SLC25A26: variants seen among roughly 807,000 people sequenced by gnomAD.
SLC25A26 encodes solute carrier family 25 member 26.
A neutral mutation model predicts 37.8 loss-of-function variants in SLC25A26; 36 were observed. That is an observed-to-expected ratio of 0.95 (90% confidence interval 0.73 to 1.26). The LOEUF (loss-of-function observed/expected upper bound fraction) is 1.26. SLC25A26 is among the 50% of genes most tolerant of loss of function. The pLI is 0.00. For missense variants in SLC25A26, 390 were observed against 331.1 expected (o/e 1.18, Z -1.38); for synonymous variants, 129 against 122.5 (o/e 1.05, Z -0.35).
At chr3:66,217,422 C>G (rs1019210018), upstream of SLC25A26, among the ~76,000 whole-genome samples, 1 of 152,082 alleles carries the variant, frequency 6.6e-6, no homozygotes, top group Non-Finnish European at 1.5e-5. Flanking sequence ...TAGGAAAATA[C>G]GGAATAAACC....
At chr3:66,278,834 A>G (rs1420968862) in intron 5 of SLC25A26, among the ~76,000 whole-genome samples, 1 of 152,166 alleles carries the variant, frequency 6.6e-6, no homozygotes, top group Non-Finnish European at 1.5e-5. Context: ...TTCATTGTAC[A>G]TTGTCAAGAG....
At chr3:66,264,460 C>T (rs2073666461) in intron 5 of SLC25A26, among the ~76,000 whole-genome samples, 1 of 152,194 alleles carries the variant, frequency 6.6e-6, no homozygotes, top group African/African-American at 2.4e-5. Flanking sequence ...CTGAGCCACA[C>T]AGCAGGAGGT....
At chr3:66,302,438 C>G (rs2075103366) in intron 5 of SLC25A26, among the ~76,000 whole-genome samples, 1 of 152,134 alleles carries the variant, frequency 6.6e-6, no homozygotes, top group Non-Finnish European at 1.5e-5. Flanking sequence ...ACAGAAACTG[C>G]TCTCCATGTC....
At chr3:66,227,152 A>C (rs1036624119) in intron 1 of SLC25A26, among the ~76,000 whole-genome samples, 1 of 152,176 alleles carries the variant, frequency 6.6e-6, no homozygotes, top group Admixed American at 6.5e-5. Flanking sequence ...TTGCTGACAT[A>C]ACTTAGTCTG....
intron 1 of SLC25A26, among the ~76,000 whole-genome samples, chr3:66,196,725 C>T (rs912927106): frequency 1.3e-5 from 2 of 151,916 alleles, no homozygotes; most frequent in Non-Finnish European, 2.9e-5. Flanking sequence ...AATAAGAAAT[C>T]AATTAGAAAC....
At chr3:66,156,753 C>A (rs191915263) in intron 1 of SLC25A26, among the ~76,000 whole-genome samples, 2 of 152,060 alleles carry the variant, frequency 1.3e-5, no homozygotes, top group African/African-American at 2.4e-5. Context: ...ATGCCACACT[C>A]CGAGATCCAC....
chr3:66,220,979 C>T (rs2071457807), upstream of SLC25A26: 2 of 1,109,740 alleles, frequency 1.8e-6, no homozygotes, highest in Non-Finnish European at 2.6e-6. Flanking sequence ...TTCTACGTCA[C>T]GTGGTCCCGG....
intron 1 of SLC25A26, among the ~76,000 whole-genome samples, chr3:66,198,119 G>T (rs2071068143): frequency 6.6e-6 from 1 of 152,110 alleles, no homozygotes; most frequent in Non-Finnish European, 1.5e-5. Context: ...GAAAAGTCCA[G>T]AGTCAAGTGC....
In SLC25A26 at chr3:66,209,901, TATATATATATATATATA is replaced by T. The variant is rs2071258493; in HGVS notation, c.-353-10840_-353-10824del. On this transcript the variant is annotated intron_variant, in intron 1 of 10. Transcript: ENST00000676754. ...ACTCCTCTCTCTCTCTCTCTATTTA[TATATATATATATATATA>T]TATATATATATATATATATATATAT... Among the ~76,000 whole-genome samples the T allele has an allele frequency of 4.1e-4, 6 of 14,484 alleles. 1 individual carries two copies. The highest frequency in any genetic ancestry group is 3.8e-3 in the East Asian group (1 of 260). The allele number at this position is 14,484 out of a possible 152,430, so 9.5% of individuals were successfully genotyped here.
intron 1 of SLC25A26, among the ~76,000 whole-genome samples, chr3:66,138,898 G>A (rs191906877): frequency 3.3e-5 from 5 of 152,158 alleles, no homozygotes; most frequent in South Asian, 2.1e-4. Flanking sequence ...GAAATCCCCC[G>A]TGATGAACAG....
intron 5 of SLC25A26, among the ~76,000 whole-genome samples, chr3:66,333,203 T>G (rs1353359151): frequency 6.6e-6 from 1 of 152,188 alleles, no homozygotes; most frequent in East Asian, 1.9e-4. Context: ...ACCAAGGTCT[T>G]TCTTTGGCCC....
intron 5 of SLC25A26, among the ~76,000 whole-genome samples, chr3:66,334,000 CTCTT>C (rs1344917323): frequency 6.6e-6 from 1 of 152,142 alleles, no homozygotes; most frequent in South Asian, 2.1e-4. Flanking sequence ...TTGTGTGTGA[CTCTT>C]TCTGGAATCT....
At chr3:66,261,990 A>G (rs2073547629) in intron 3 of SLC25A26, 61 bp from the exon 4 acceptor site, 3 of 1,066,676 alleles carry the variant, frequency 2.8e-6, no homozygotes, top group Admixed American at 5.1e-5. Flanking sequence ...TGCTTACCAA[A>G]AAATTTCAAT....
chr3:66,186,368 T>C (rs1179535513), intron 1 of SLC25A26, among the ~76,000 whole-genome samples: 1 of 151,770 alleles, frequency 6.6e-6, no homozygotes, highest in Non-Finnish European at 1.5e-5. Context: ...CTTCCCTTTC[T>C]CCATTGACCT....
chr3:66,162,591 G>C (rs534653727), intron 1 of SLC25A26, among the ~76,000 whole-genome samples: 2 of 152,290 alleles, frequency 1.3e-5, no homozygotes, highest in South Asian at 2.1e-4. Context: ...TCTGGGAAGG[G>C]CTGAATCATG....
chr3:66,327,529 A>T (rs1415760250), intron 5 of SLC25A26, among the ~76,000 whole-genome samples: 2 of 152,224 alleles, frequency 1.3e-5, no homozygotes, highest in African/African-American at 2.4e-5. Flanking sequence ...ACGTGTATAT[A>T]AAATAATTCA....
intron 6 of SLC25A26, among the ~76,000 whole-genome samples, chr3:66,358,605 T>C (rs1383086864): frequency 3.3e-5 from 5 of 152,176 alleles, no homozygotes; most frequent in Non-Finnish European, 7.3e-5. Context: ...GATCCCAGCT[T>C]TCCTACTCGC....
intron 5 of SLC25A26, among the ~76,000 whole-genome samples, chr3:66,264,682 T>G (rs1377135659): frequency 1.3e-5 from 2 of 152,204 alleles, no homozygotes; most frequent in South Asian, 4.1e-4. Flanking sequence ...ACCCCACCAC[T>G]GGTCCATGGA....
chr3:66,369,456 G>A, intron 7 of SLC25A26, 22 bp from the exon 8 acceptor site: 1 of 1,590,682 alleles, frequency 6.3e-7, no homozygotes. Flanking sequence ...TCTCACTTGG[G>A]TGTTGGGTAT....
Sources: allele counts gnomAD v4.1 joint callset (sites outside exome capture counted in the v4.1 genomes callset), GRCh38; gene constraint gnomAD v4.1.1; transcripts MANE v1.5; gene names NCBI Gene and HGNC (gene_info 2026-07-23, HGNC 2026-07-21).